Variants in LRPPRC observed in about 807,000 individuals in gnomAD.
LRPPRC encodes leucine rich pentatricopeptide repeat containing, also known as leucine-rich PPR motif-containing protein, mitochondrial.
LRPPRC carries 120 observed loss-of-function variants against 180.3 expected under a neutral mutation model. The observed-to-expected ratio is 0.67, with a 90% CI of 0.57 to 0.77. The LOEUF is 0.77. LRPPRC is among the 30% of genes least tolerant of loss of function. LRPPRC has a pLI of 0.00. For synonymous variants in LRPPRC, 723 were observed against 600.0 expected, an observed-to-expected ratio of 1.21 and a Z score of -3.00; for missense variants, 2,012 against 1,657.2, an observed-to-expected ratio of 1.21 and a Z score of -3.72.
chr2:43,928,685 A>C (rs1434316544), intron 25 of LRPPRC, among the ~76,000 whole-genome samples: 2 of 152,066 alleles, frequency 1.3e-5, no homozygotes, highest in African/African-American at 4.8e-5. Context: ...CAGGAGTTCA[A>C]GGCTGCGGTG....
chr2:43,957,458 A>G lies in LRPPRC; in HGVS notation c.1583-7T>C. On this transcript the variant is annotated splice_region_variant and splice_polypyrimidine_tract_variant and intron_variant, in intron 13 of 37. Transcript: ENST00000260665. Reference sequence around the variant, plus strand: ...GGCAATGTATTTGATTTCACTGCAAAAGAAAATGACCATCATTAAATCTCA... The same window carrying G: ...GGCAATGTATTTGATTTCACTGCAAGAGAAAATGACCATCATTAAATCTCA... 1 of 1,607,588 alleles carries G rather than the reference A, an allele frequency of 6.2e-7. No homozygotes were observed. Among genetic ancestry groups the G allele is most frequent in the Non-Finnish European group, 8.5e-7 (1 of 1,174,068 alleles).
chr2:43,978,819 T>C (rs1488745111), intron 3 of LRPPRC, among the ~76,000 whole-genome samples: 5 of 152,054 alleles, frequency 3.3e-5, no homozygotes, highest in Non-Finnish European at 7.4e-5. Flanking sequence ...TATCTGTAGC[T>C]ATACTTTCTT....
chr2:43,995,051 G>A (rs1279853553), intron 1 of LRPPRC, among the ~76,000 whole-genome samples: 1 of 152,034 alleles, frequency 6.6e-6, no homozygotes, highest in Non-Finnish European at 1.5e-5. Flanking sequence ...GACTAGCGTG[G>A]CCAACATGGT....
chr2:43,937,431 A>G (rs1016349802), intron 23 of LRPPRC, among the ~76,000 whole-genome samples: 4 of 152,202 alleles, frequency 2.6e-5, no homozygotes, highest in African/African-American at 9.6e-5. Flanking sequence ...ATTTTAAAAG[A>G]CAAAAATTTA....
Position 43,957,088 on chromosome 2 carries a change from A to T in LRPPRC, c.1649+297T>A, listed in dbSNP as rs13398271. 0.011 allele frequency among the ~76,000 whole-genome samples: 1,699 copies of T among 152,342 alleles called. 28 individuals are homozygous for T. The highest frequency in any genetic ancestry group is 0.039 in the African/African-American group (1,605 of 41,580). On this transcript the variant is annotated intron_variant, in intron 14 of 37. Transcript: ENST00000260665. ...AATTAAATGCTCAAAGAATAAGCTGAACATACATATGCAAATTGGTCTGTA... is the reference window on the plus strand; with the variant it reads ...AATTAAATGCTCAAAGAATAAGCTGTACATACATATGCAAATTGGTCTGTA...
chr2:43,989,864 A>G (rs1674693301), intron 1 of LRPPRC, among the ~76,000 whole-genome samples: 1 of 152,216 alleles, frequency 6.6e-6, no homozygotes, highest in Non-Finnish European at 1.5e-5. Flanking sequence ...ATTTGTAATA[A>G]CCCACGGAAG....
At chr2:43,975,997 G>T in intron 6 of LRPPRC, 146 bp downstream of exon 6, 1 of 604,582 alleles carries the variant, frequency 1.7e-6, no homozygotes, top group Non-Finnish European at 3.0e-6. Flanking sequence ...TTTTTTTGAA[G>T]GGATAGACAA....
At chr2:43,923,533 T>A (rs902629811) in intron 27 of LRPPRC, among the ~76,000 whole-genome samples, 1 of 152,136 alleles carries the variant, frequency 6.6e-6, no homozygotes, top group Non-Finnish European at 1.5e-5. Context: ...GAAGAGTAAG[T>A]TTGTGTGGCT....
Position 43,995,934 on chromosome 2 carries a change from A to T in LRPPRC, c.14T>A (p.Leu5Gln). The change falls in exon 1 of 38, where the codon CTG becomes CAG. Residue 5 changes from leucine to glutamine, a missense_variant. Transcript: ENST00000260665. ...ACGCAGCAACCAACGCGCGGATCTC[A>T]GCAGGGCTGCCATTGCTCGAACGTC... is the stretch of plus-strand genomic sequence containing the variant. MAAL[L>Q]RSARWLLRAG... The T allele has an allele frequency of 6.6e-7, 1 of 1,525,436 alleles. No homozygotes were observed. Among genetic ancestry groups the T allele is most frequent in the Non-Finnish European group, 8.7e-7 (1 of 1,142,970 alleles). The allele number at this position is 1,525,436 out of a possible 1,614,324, so 94.5% of individuals were successfully genotyped here. A position where few individuals can be genotyped will look rare whatever the true frequency, so the allele number is the denominator to read the frequency against.
intron 25 of LRPPRC, among the ~76,000 whole-genome samples, chr2:43,931,476 C>G (rs545961476): frequency 6.6e-6 from 1 of 152,270 alleles, no homozygotes; most frequent in African/African-American, 2.4e-5. Flanking sequence ...GGCAGAAGAA[C>G]GATAAAGGGA....
Position 43,960,577 on chromosome 2 carries a change from C to T in LRPPRC, c.1546G>A (p.Ala516Thr). Residue 516 changes from alanine (A) to threonine (T), a missense_variant, in exon 13 of 38, where the codon GCA becomes ACA. By Grantham distance (58) the Ala-to-Thr change is moderately conservative. Coordinates refer to ENST00000260665, the MANE Select transcript of LRPPRC (RefSeq NM_133259.4). ...MFSQAGLRSE[A>T]ANGNLDFVLS... Reference sequence around the variant, plus strand: ...ACAAAGTCTAAGTTCCCATTTGCTGCTTCACTTCTCAATCCAGCTTGAGAA... The same window carrying T: ...ACAAAGTCTAAGTTCCCATTTGCTGTTTCACTTCTCAATCCAGCTTGAGAA... 6.2e-7 allele frequency: 1 copy of T among 1,605,854 alleles called. No homozygotes were observed. The highest frequency in any genetic ancestry group is 8.5e-7 in the Non-Finnish European group (1 of 1,173,594).
intron 14 of LRPPRC, 21 bp from the exon 15 acceptor site, chr2:43,950,621 T>C (rs753166658): frequency 2.5e-5 from 41 of 1,609,530 alleles, no homozygotes; most frequent in Middle Eastern, 1.6e-4. Flanking sequence ...CAGCAAAGGA[T>C]CGAAAATAAA....
intron 14 of LRPPRC, among the ~76,000 whole-genome samples, chr2:43,951,946 C>T (rs955081616): frequency 5.3e-5 from 8 of 152,164 alleles, no homozygotes; most frequent in East Asian, 1.9e-4. Flanking sequence ...GTAATCACAG[C>T]GCTTTGGGAG....
Position 43,977,407 on chromosome 2 carries a change from A to G in LRPPRC, c.470-131T>C. 3 of 690,360 alleles carry G rather than the reference A, an allele frequency of 4.3e-6. No homozygotes were observed. The Admixed American group carries it at 6.5e-5, about 15-fold the overall frequency. 42.8% of individuals were successfully genotyped at this position (690,360 alleles called of 1,614,324 possible). A position where few individuals can be genotyped will look rare whatever the true frequency, so the allele number is the denominator to read the frequency against. On this transcript the variant is annotated intron_variant, in intron 3 of 37. Transcript: ENST00000260665. The stretch of plus-strand genomic sequence containing the variant: ...ATTTCACCCATCCATCTTGGCGCTC[A>G]GACCTATCTACACAGATACTCTGTC...
chr2:43,974,986 C>G, intron 7 of LRPPRC, 105 bp downstream of exon 7: 1 of 1,221,362 alleles, frequency 8.2e-7, no homozygotes, highest in Non-Finnish European at 1.2e-6. Flanking sequence ...TGCAAGGAAA[C>G]ATCTTTGAAA....
intron 15 of LRPPRC, among the ~76,000 whole-genome samples, chr2:43,950,257 G>A (rs1050606711): frequency 6.6e-6 from 1 of 151,704 alleles, no homozygotes; most frequent in African/African-American, 2.4e-5. Context: ...ACATGTGCAG[G>A]ATGTGCAGGT....
At chr2:43,976,514 A>T (rs926236813) in intron 5 of LRPPRC, among the ~76,000 whole-genome samples, 5 of 152,104 alleles carry the variant, frequency 3.3e-5, no homozygotes, top group African/African-American at 1.2e-4. Flanking sequence ...TTAAAAGCAT[A>T]GTTTCATAAG....
chr2:43,948,007 T>A, intron 18 of LRPPRC, 115 bp downstream of exon 18: 1 of 757,070 alleles, frequency 1.3e-6, no homozygotes, highest in Non-Finnish European at 2.3e-6. Flanking sequence ...TTTTAATGGC[T>A]GTCATTGAAA....
chr2:43,915,230 TCTCACACACACACACACA>T (rs1307277257), intron 29 of LRPPRC, among the ~76,000 whole-genome samples: 5 of 47,404 alleles, frequency 1.1e-4, no homozygotes, highest in African/African-American at 6.8e-4. Context: ...TCTCTCTCTC[TCTCACACACACACACACA>T]CACACACACA....
Sources: allele counts gnomAD v4.1 joint callset (sites outside exome capture counted in the v4.1 genomes callset), GRCh38; gene constraint gnomAD v4.1.1; transcripts MANE v1.5; gene names NCBI Gene and HGNC (gene_info 2026-07-23, HGNC 2026-07-21).